The following SDHC variants were observed in gnomAD, a reference collection of about 807,000 sequenced individuals.
SDHC encodes the protein succinate dehydrogenase complex subunit C.
SDHC carries 11 observed loss-of-function variants against 22.6 expected under a neutral mutation model. The ratio of observed to expected loss-of-function variants is 0.49; its 90% confidence interval spans 0.31 to 0.81. The LOEUF is 0.81. Among genes scored for constraint, SDHC ranks in the 30% least tolerant of loss-of-function variants. The pLI is 0.05. For synonymous variants in SDHC, 80 were observed against 77.8 expected (o/e 1.03, Z -0.15); for missense variants, 160 against 212.0 (o/e 0.75, Z 1.52).
intron 3 of SDHC, among the ~76,000 whole-genome samples, chr1:161,331,483 T>C (rs1212369393): frequency 1.3e-5 from 2 of 152,134 alleles, no homozygotes; most frequent in Non-Finnish European, 2.9e-5. Flanking sequence ...TATAAAACCA[T>C]GTTGCCCAGG....
Position 161,362,859 on chromosome 1 carries a change from T to A in SDHC, c.*426T>A, listed in dbSNP as rs1356762149. ...GGCTTTGGGTGCCACTGCCTGTGGG[T>A]TGCTGGCTTAAAGGACAATTCTCTT... On this transcript the variant is annotated 3_prime_UTR_variant, in exon 6 of 6. Coordinates refer to ENST00000367975, the MANE Select transcript of SDHC (RefSeq NM_003001.5). 2 of 460,994 alleles carry A rather than the reference T, an allele frequency of 4.3e-6. No homozygotes were observed. The highest frequency in any genetic ancestry group is 8.0e-6 in the Non-Finnish European group (2 of 249,052). The allele number at this position is 460,994 out of a possible 1,614,324, so 28.6% of individuals were successfully genotyped here.
rs878994954 is a variant in SDHC, at chr1:161,323,639, G to A, written c.46G>A (p.Ala16Thr). 3 of 1,613,364 alleles carry A rather than the reference G, an allele frequency of 1.9e-6. No individual in the cohort carries two copies. The South Asian group carries it at 3.3e-5, about 18-fold the overall frequency. Residue 16 changes from alanine (A) to threonine (T), a missense_variant, in exon 2 of 6, where the codon GCC becomes ACC. Physicochemically the swap from Ala to Thr is moderately conservative, Grantham distance 58 (BLOSUM62 0). Coordinates refer to ENST00000367975, the MANE Select transcript of SDHC (RefSeq NM_003001.5). The stretch of plus-strand genomic sequence containing the variant: ...ACACGTTGGTCGTCATTGCCTCCGA[G>A]CCCACTTTAGCCCTCAGCTCTGTAT... ...LRHVGRHCLR[A>T]HFSPQLCIRN...
intron 1 of SDHC, among the ~76,000 whole-genome samples, chr1:161,322,657 C>A (rs1007596867): frequency 4.6e-5 from 7 of 151,604 alleles, no homozygotes; most frequent in Non-Finnish European, 8.8e-5. Flanking sequence ...ACTTCTGCCT[C>A]CCGGGCTCAA....
chr1:161,314,801 T>G, intron 1 of SDHC: 1 of 258,706 alleles, frequency 3.9e-6, no homozygotes, highest in South Asian at 7.3e-5. Flanking sequence ...ATTTAGACAT[T>G]TAGCTTCGGA....
chr1:161,326,409 G>A (rs1230942329), intron 2 of SDHC, among the ~76,000 whole-genome samples: 3 of 151,882 alleles, frequency 2.0e-5, no homozygotes, highest in Non-Finnish European at 4.4e-5. Context: ...ATGTAGGAAG[G>A]AATTCAAGGT....
intron 4 of SDHC, 41 bp from the exon 5 acceptor site, chr1:161,356,636 C>T (rs1483865092): frequency 1.2e-5 from 19 of 1,608,652 alleles, no homozygotes; most frequent in Non-Finnish European, 1.6e-5. Context: ...TTAGTTGTAA[C>T]TTATGAGCAG....
chr1:161,362,395 C>A lies in SDHC; in HGVS notation c.472C>A (p.Leu158Ile). 1 of 1,612,410 alleles carries A rather than the reference C, an allele frequency of 6.2e-7. No homozygotes were observed. The highest frequency in any genetic ancestry group is 1.3e-5 in the African/African-American group (1 of 74,476). ...CCAGTCTGGAGTGGTTGTCCTGGTT[C>A]TTACTGTGTTGTCCTCTATGGGGCT... is the stretch of plus-strand genomic sequence containing the variant. ...LYQSGVVVLVLTVLSSMGLAA... is the reference protein window; with the variant it reads ...LYQSGVVVLVITVLSSMGLAA... Residue 158 changes from leucine to isoleucine, a missense_variant, in exon 6 of 6, where the codon CTT becomes ATT. Physicochemically the swap from Leu to Ile is conservative, Grantham distance 5. Coordinates refer to ENST00000367975, the MANE Select transcript of SDHC (RefSeq NM_003001.5).
At chr1:161,316,797 A>G (rs57120973) in intron 1 of SDHC, among the ~76,000 whole-genome samples, 11,865 of 152,114 alleles carry the variant, frequency 0.078, 524 homozygotes, top group South Asian at 0.15. Context: ...GGAACTGTTT[A>G]TAATGTGCTG....
intron 3 of SDHC, among the ~76,000 whole-genome samples, chr1:161,335,176 C>A (rs1456735370): frequency 2.6e-5 from 4 of 152,114 alleles, no homozygotes; most frequent in Non-Finnish European, 4.4e-5. Context: ...CAGGAATACC[C>A]CTGCGGTAAT....
chr1:161,347,088 G>T (rs1330640648), intron 4 of SDHC, among the ~76,000 whole-genome samples: 1 of 152,164 alleles, frequency 6.6e-6, no homozygotes, highest in Admixed American at 6.5e-5. Context: ...TCAGGACACA[G>T]AGTTGACAGC....
intron 5 of SDHC, among the ~76,000 whole-genome samples, chr1:161,360,193 G>A (rs1672452063): frequency 6.6e-6 from 1 of 152,018 alleles, no homozygotes; most frequent in Admixed American, 6.6e-5. Flanking sequence ...GGCTCATTTA[G>A]TGACTTATAA....
chr1:161,314,837 T>G, intron 1 of SDHC: 1 of 203,384 alleles, frequency 4.9e-6, no homozygotes, highest in Non-Finnish European at 1.0e-5. Flanking sequence ...GTATTTTGCC[T>G]TTGCTTCGAA....
At chr1:161,343,112 G>A (rs1671778549) in intron 4 of SDHC, among the ~76,000 whole-genome samples, 1 of 152,182 alleles carries the variant, frequency 6.6e-6, no homozygotes, top group Non-Finnish European at 1.5e-5. Flanking sequence ...AGCTTTCGAG[G>A]TAGGAAAGGG....
intron 1 of SDHC, among the ~76,000 whole-genome samples, chr1:161,321,662 T>A (rs1670842627): frequency 6.6e-6 from 1 of 152,220 alleles, no homozygotes; most frequent in Non-Finnish European, 1.5e-5. Flanking sequence ...AGGGAAGAGC[T>A]GAAGAAGGAA....
intron 1 of SDHC, among the ~76,000 whole-genome samples, chr1:161,318,502 T>G (rs1395670764): frequency 2.0e-5 from 3 of 152,182 alleles, no homozygotes; most frequent in Admixed American, 6.5e-5. Flanking sequence ...TAAGGACAGC[T>G]AGGCTTCTAT....
intron 4 of SDHC, among the ~76,000 whole-genome samples, chr1:161,341,672 T>A (rs900683019): frequency 3.3e-5 from 5 of 152,220 alleles, no homozygotes; most frequent in African/African-American, 1.2e-4. Flanking sequence ...ATATTTTTAC[T>A]TTTTTAGCTT....
At chr1:161,339,480 C>A in intron 3 of SDHC, 2 of 729,968 alleles carry the variant, frequency 2.7e-6, no homozygotes, top group Non-Finnish European at 4.0e-6. Flanking sequence ...ACCATGCCAG[C>A]TCCAACTTTA....
chr1:161,336,905 T>A (rs1183512466), intron 3 of SDHC, among the ~76,000 whole-genome samples: 1 of 152,126 alleles, frequency 6.6e-6, no homozygotes, highest in Non-Finnish European at 1.5e-5. Flanking sequence ...AGTCTCCCTC[T>A]GTTACTCAGG....
intron 3 of SDHC, among the ~76,000 whole-genome samples, chr1:161,331,896 CAG>C (rs1168827917): frequency 6.6e-6 from 1 of 152,154 alleles, no homozygotes; most frequent in African/African-American, 2.4e-5. Flanking sequence ...CGCCTGGCAA[CAG>C]TGAATATCTT....
Sources: gnomAD v4.1 joint callset for allele counts (sites outside exome capture counted in the v4.1 genomes callset) on GRCh38, gnomAD v4.1.1 for gene constraint, MANE v1.5 for transcripts, NCBI Gene and HGNC (gene_info 2026-07-23, HGNC 2026-07-21) for gene names.